Variants in DNM3 observed in about 807,000 individuals in gnomAD.
DNM3 encodes dynamin-3.
DNM3 carries 47 observed loss-of-function variants against 101.6 expected under a neutral mutation model. The observed-to-expected ratio is 0.46, with a 90% confidence interval of 0.37 to 0.59. The LOEUF (loss-of-function observed/expected upper bound fraction) is 0.59. Among genes scored for constraint, DNM3 ranks in the 20% least tolerant of loss-of-function variants. The probability of loss-of-function intolerance (pLI) is 0.00; values close to 1 mark genes in which losing one functional copy is unlikely to be tolerated. For missense variants in DNM3, 849 were observed against 1,085.7 expected (o/e 0.78, Z 3.06); for synonymous variants, 385 against 387.9 (o/e 0.99, Z 0.09).
At chr1:171,983,369 G>T (rs920903719) in intron 2 of DNM3, among the ~76,000 whole-genome samples, 1 of 84,792 alleles carries the variant, frequency 1.2e-5, no homozygotes, top group Admixed American at 9.1e-5. Context: ...AGGGTGGGAG[G>T]ATCACTTGAG....
chr1:171,936,387 G>A (rs1308894410), intron 2 of DNM3, among the ~76,000 whole-genome samples: 4 of 135,946 alleles, frequency 2.9e-5, no homozygotes, highest in African/African-American at 5.5e-5. Context: ...TACTGTTGGC[G>A]GGTTATAACA....
chr1:172,189,863 C>T (rs1465302239), intron 14 of DNM3, among the ~76,000 whole-genome samples: 1 of 151,878 alleles, frequency 6.6e-6, no homozygotes, highest in Admixed American at 6.6e-5. Flanking sequence ...GTCCAAGACT[C>T]CTTTAAACAA....
At chr1:171,904,161 A>AG (rs961328499) in intron 1 of DNM3, among the ~76,000 whole-genome samples, 2 of 151,240 alleles carry the variant, frequency 1.3e-5, no homozygotes, top group Non-Finnish European at 3.0e-5. Context: ...TAGAAAAAAA[A>AG]AAAAAGCCAG....
intron 15 of DNM3, among the ~76,000 whole-genome samples, chr1:172,295,147 G>C (rs78668234): frequency 0.015 from 2,316 of 152,114 alleles, 53 homozygotes; most frequent in African/African-American, 0.051. Flanking sequence ...CAAACAAGAA[G>C]ACAACCCAAA....
intron 1 of DNM3, among the ~76,000 whole-genome samples, chr1:171,907,493 G>GAA (rs760340537): frequency 5.3e-5 from 7 of 130,844 alleles, no homozygotes; most frequent in Admixed American, 7.9e-5. Flanking sequence ...CTCCGTCACA[G>GAA]AAAAAAAAAA....
chr1:172,011,408 C>T lies in DNM3; in HGVS notation c.590-20994C>T, dbSNP rs188282496. Among the ~76,000 whole-genome samples the T allele has an allele frequency of 4.6e-5, 7 of 152,076 alleles. No individual in the cohort carries two copies. The South Asian group carries it at 1.2e-3, about 27-fold the overall frequency. On this transcript the variant is annotated intron_variant, in intron 4 of 20. Transcript: ENST00000627582. ...ACCTCCTTTTTATCTGGCACACTGT[C>T]CTGCAAAGTCTAGTACCTTGGTCTC...
chr1:172,281,806 GATA>G (rs1318110597), intron 15 of DNM3, among the ~76,000 whole-genome samples: 2 of 151,966 alleles, frequency 1.3e-5, no homozygotes, highest in Non-Finnish European at 2.9e-5. Context: ...AACAAAAAGA[GATA>G]ATAAATGTTT....
chr1:171,864,169 CTG>C (rs1304623672), intron 1 of DNM3: 1 of 152,146 alleles, frequency 6.6e-6, no homozygotes. Flanking sequence ...CAAAACGTGA[CTG>C]AGAGATTGCT....
chr1:172,198,536 G>C (rs2060035721), intron 14 of DNM3, among the ~76,000 whole-genome samples: 1 of 113,240 alleles, frequency 8.8e-6, no homozygotes, highest in African/African-American at 5.0e-5. Context: ...GAATCCATCA[G>C]GTCCTGGGCT....
chr1:171,862,368 A>G (rs1324107441), intron 1 of DNM3, among the ~76,000 whole-genome samples: 1 of 152,218 alleles, frequency 6.6e-6, no homozygotes, highest in African/African-American at 2.4e-5. Flanking sequence ...AATAAACAAA[A>G]TGTGACATAC....
intron 14 of DNM3, among the ~76,000 whole-genome samples, chr1:172,243,111 A>G (rs929754274): frequency 3.3e-5 from 5 of 152,132 alleles, no homozygotes; most frequent in African/African-American, 1.2e-4. Flanking sequence ...ATCTTTAGTC[A>G]TAAGTCCTTT....
Position 172,409,432 on chromosome 1 carries a change from G to A in DNM3, c.*1591G>A. On this transcript the variant is annotated 3_prime_UTR_variant, in exon 21 of 21. Transcript: ENST00000627582. ...TTGCCATGTTGAGTGCCATTGTATTGAACTTATTCTAAAGGCTTATGCTAA... is the reference window on the plus strand; with the variant it reads ...TTGCCATGTTGAGTGCCATTGTATTAAACTTATTCTAAAGGCTTATGCTAA... 2.0e-6 allele frequency: 2 copies of A among 984,390 alleles called. No homozygotes were observed. The highest frequency in any genetic ancestry group is 2.4e-6 in the Non-Finnish European group (2 of 829,102). 61.0% of individuals were successfully genotyped at this position (984,390 alleles called of 1,614,324 possible).
At chr1:172,227,271 G>GATATATATAT (rs140087796) in intron 14 of DNM3, among the ~76,000 whole-genome samples, 2,334 of 77,550 alleles carry the variant, frequency 0.03, 95 homozygotes, top group African/African-American at 0.036. Flanking sequence ...AGTATTTTGT[G>GATATATATAT]ATATATATAT....
chr1:171,988,390 G>C (rs1387621535), intron 3 of DNM3, among the ~76,000 whole-genome samples: 1 of 151,806 alleles, frequency 6.6e-6, no homozygotes, highest in African/African-American at 2.4e-5. Flanking sequence ...ACTTCCCAAG[G>C]GTACTTGGTG....
chr1:172,107,361 T>C (rs1435170829), intron 13 of DNM3, among the ~76,000 whole-genome samples: 2 of 151,666 alleles, frequency 1.3e-5, no homozygotes. Context: ...CTTAAGAAGA[T>C]GGTGAAACTC....
intron 1 of DNM3, among the ~76,000 whole-genome samples, chr1:171,907,930 A>T (rs1480386672): frequency 6.6e-6 from 1 of 152,168 alleles, no homozygotes; most frequent in Non-Finnish European, 1.5e-5. Context: ...AAAAACATAT[A>T]CTTATAAGTA....
At chr1:172,166,652 A>C (rs1376627551) in intron 14 of DNM3, among the ~76,000 whole-genome samples, 1 of 152,124 alleles carries the variant, frequency 6.6e-6, no homozygotes, top group Non-Finnish European at 1.5e-5. Flanking sequence ...GTATACAATA[A>C]AAAGTGTTTG....
At chr1:172,001,909 C>G (rs900819971) in intron 4 of DNM3, among the ~76,000 whole-genome samples, 13 of 151,982 alleles carry the variant, frequency 8.6e-5, no homozygotes, top group African/African-American at 2.9e-4. Context: ...CCTTTGGCAA[C>G]ATTTAGCAGA....
intron 1 of DNM3, among the ~76,000 whole-genome samples, chr1:171,844,469 G>A (rs951422038): frequency 6.6e-6 from 1 of 152,082 alleles, no homozygotes; most frequent in Admixed American, 6.6e-5. Flanking sequence ...TGGACTAACT[G>A]TATCTTCTCT....
Sources: gnomAD v4.1 joint callset for allele counts (sites outside exome capture counted in the v4.1 genomes callset) on GRCh38, gnomAD v4.1.1 for gene constraint, MANE v1.5 for transcripts, NCBI Gene and HGNC (gene_info 2026-07-23, HGNC 2026-07-21) for gene names.